APPBP2: variants seen among roughly 807,000 people sequenced by gnomAD.
The protein encoded by APPBP2 is amyloid beta precursor protein binding protein 2.
Under a neutral mutation model 76.0 loss-of-function variants are expected in APPBP2, and 15 were observed. The observed-to-expected ratio is 0.20, with a 90% CI of 0.13 to 0.30. APPBP2 has a LOEUF of 0.30. Ranked by LOEUF, APPBP2 falls within the 10% of genes least tolerant of loss-of-function variation. The pLI is 1.00. For synonymous variants in APPBP2, 222 were observed against 242.2 expected, an observed-to-expected ratio of 0.92 and a Z score of 0.77; for missense variants, 401 against 687.2, an observed-to-expected ratio of 0.58 and a Z score of 4.66.
Position 60,444,708 on chromosome 17 carries a change from T to C in APPBP2, c.*2873A>G, listed in dbSNP as rs1047518196. 6 of 152,410 alleles carry C rather than the reference T, an allele frequency of 3.9e-5. No homozygotes were observed. The highest frequency in any genetic ancestry group is 8.8e-5 in the Non-Finnish European group (6 of 68,014). 9.4% of individuals were successfully genotyped at this position (152,410 alleles called of 1,614,324 possible). On this transcript the variant is annotated 3_prime_UTR_variant, in exon 13 of 13. Transcript: ENST00000083182. ...AAAGATTATGCTCTAAAAATTCCAA[T>C]TGACTCTATTAAATGGAATGCAGGC...
At chr17:60,461,750 CA>C in intron 8 of APPBP2, 59 bp downstream of exon 8, 1 of 1,297,006 alleles carries the variant, frequency 7.7e-7, no homozygotes, top group East Asian at 2.3e-5. Context: ...ACACCACAAA[CA>C]AATACAGGTC....
intron 6 of APPBP2, among the ~76,000 whole-genome samples, chr17:60,463,420 C>G (rs972511965): frequency 6.6e-6 from 1 of 152,100 alleles, no homozygotes; most frequent in Non-Finnish European, 1.5e-5. Context: ...GTGGGAGGAT[C>G]GCTTGAGTCC....
chr17:60,492,326 A>G (rs1290157344), intron 3 of APPBP2, among the ~76,000 whole-genome samples: 2 of 152,230 alleles, frequency 1.3e-5, no homozygotes, highest in African/African-American at 2.4e-5. Context: ...GCCCTTACAC[A>G]GAGTCCCCAC....
chr17:60,512,725 C>T (rs1041326052), intron 1 of APPBP2, among the ~76,000 whole-genome samples: 4 of 148,672 alleles, frequency 2.7e-5, no homozygotes, highest in African/African-American at 9.9e-5. Context: ...GTCCCAGCTA[C>T]TCAGGAGGCT....
intron 2 of APPBP2, among the ~76,000 whole-genome samples, chr17:60,496,737 T>C (rs1598366007): frequency 1.3e-5 from 2 of 152,286 alleles, no homozygotes; most frequent in Non-Finnish European, 2.9e-5. Context: ...TTTATTTTTT[T>C]TGAGACAGAG....
chr17:60,513,999 A>T (rs923197060), intron 1 of APPBP2, among the ~76,000 whole-genome samples: 2 of 80,914 alleles, frequency 2.5e-5, no homozygotes, highest in African/African-American at 2.7e-4. Flanking sequence ...CCCCACATTA[A>T]AAAAAAAAAA....
intron 1 of APPBP2, among the ~76,000 whole-genome samples, chr17:60,510,986 T>C (rs1035680943): frequency 3.3e-5 from 5 of 152,152 alleles, no homozygotes; most frequent in Non-Finnish European, 7.4e-5. Context: ...AATGAACTTA[T>C]GTGTATTTAC....
chr17:60,458,782 GT>G (rs1555631064), intron 9 of APPBP2, among the ~76,000 whole-genome samples: 2,206 of 120,692 alleles, frequency 0.018, 42 homozygotes, highest in African/African-American at 0.093. Flanking sequence ...TTTTTTTTTT[GT>G]TTTTTTTTTT....
chr17:60,512,099 A>G (rs1598374469), intron 1 of APPBP2, among the ~76,000 whole-genome samples: 1 of 144,672 alleles, frequency 6.9e-6, no homozygotes, highest in East Asian at 1.9e-4. Context: ...TTTTTTTATT[A>G]TTATTATTAT....
At chr17:60,448,562 C>G (rs969857391) in intron 12 of APPBP2, among the ~76,000 whole-genome samples, 3 of 152,180 alleles carry the variant, frequency 2.0e-5, no homozygotes, top group Non-Finnish European at 2.9e-5. Flanking sequence ...AACAAAAACA[C>G]GTAGAATAGT....
At chr17:60,488,157 T>C (rs1450191924) in intron 3 of APPBP2, among the ~76,000 whole-genome samples, 1 of 152,182 alleles carries the variant, frequency 6.6e-6, no homozygotes, top group Non-Finnish European at 1.5e-5. Context: ...GTCTCACAGT[T>C]AGGCTACACG....
intron 3 of APPBP2, among the ~76,000 whole-genome samples, chr17:60,484,290 T>C (rs1045434303): frequency 3.3e-5 from 5 of 152,228 alleles, no homozygotes; most frequent in African/African-American, 1.2e-4. Flanking sequence ...TTGATGGAGA[T>C]GGCATTGAAT....
intron 3 of APPBP2, among the ~76,000 whole-genome samples, chr17:60,482,376 T>C (rs1263623272): frequency 6.6e-6 from 1 of 152,222 alleles, no homozygotes; most frequent in African/African-American, 2.4e-5. Context: ...AGGGCTTGAA[T>C]GTCCAGGGTG....
intron 3 of APPBP2, among the ~76,000 whole-genome samples, chr17:60,493,086 C>G (rs2090743401): frequency 6.6e-6 from 1 of 152,144 alleles, no homozygotes. Flanking sequence ...AGGGGTTTCC[C>G]CTATCTCTTG....
intron 9 of APPBP2, among the ~76,000 whole-genome samples, chr17:60,457,755 A>C (rs886402874): frequency 6.6e-6 from 1 of 152,140 alleles, no homozygotes; most frequent in African/African-American, 2.4e-5. Context: ...AATGTCAATG[A>C]CTATTTCCAT....
At position 60,526,220 on chromosome 17, in the gene APPBP2, T is replaced by C. The variant is rs999162064; in HGVS notation, c.-289A>G. On this transcript the variant is annotated 5_prime_UTR_variant, in exon 1 of 13. Coordinates refer to ENST00000083182, the MANE Select transcript of APPBP2 (RefSeq NM_006380.5). ...CGGGTTCCGTCCCAGCGCTGATCTC[T>C]GCAGGGGCGGGGCTGCGTGTGCGGC... The C allele has an allele frequency of 9.0e-6, 3 of 334,348 alleles. No individual in the cohort carries two copies. Among genetic ancestry groups the C allele is most frequent in the African/African-American group, 2.1e-5 (1 of 46,918 alleles). The allele number at this position is 334,348 out of a possible 1,614,324, so 20.7% of individuals were successfully genotyped here.
At chr17:60,449,985 C>T (rs975199722) in intron 12 of APPBP2, among the ~76,000 whole-genome samples, 28 of 151,786 alleles carry the variant, frequency 1.8e-4, no homozygotes, top group African/African-American at 5.3e-4. Flanking sequence ...TTAGTTGAGA[C>T]GGGGTTTCAG....
chr17:60,510,853 T>G lies in APPBP2; in HGVS notation c.139-10366A>C, dbSNP rs2090906332. Reference sequence around the variant, plus strand: ...CATTAAAGTGTCATTTCAGATAATATTCAAATAAAAGGGCAACCCTTTACT... The same window carrying G: ...CATTAAAGTGTCATTTCAGATAATAGTCAAATAAAAGGGCAACCCTTTACT... On this transcript the variant is annotated intron_variant, in intron 1 of 12. Transcript: ENST00000083182. 2.6e-5 allele frequency among the ~76,000 whole-genome samples: 4 copies of G among 152,214 alleles called. No individual in the cohort carries two copies. The South Asian group carries it at 8.3e-4, about 32-fold the overall frequency.
chr17:60,495,439 ATTATTTATTTATTTAT>A lies in APPBP2; in HGVS notation c.228-838_228-823del, dbSNP rs57497934. ...ATTTTTAAAAATATTTTATTTATTT[ATTATTTATTTATTTAT>A]TTATTTATTTATTTATTTATTTATT... is the stretch of plus-strand genomic sequence containing the variant. On this transcript the variant is annotated intron_variant, in intron 2 of 12. Transcript: ENST00000083182. Among the ~76,000 whole-genome samples the A allele has an allele frequency of 4.8e-3, 653 of 136,606 alleles. 5 individuals are homozygous for A. Among genetic ancestry groups the A allele is most frequent in the African/African-American group, 0.015 (516 of 33,840 alleles). The allele number at this position is 136,606 out of a possible 152,430, so 89.6% of individuals were successfully genotyped here.
Sources: gnomAD v4.1 joint callset for allele counts (sites outside exome capture counted in the v4.1 genomes callset) on GRCh38, gnomAD v4.1.1 for gene constraint, MANE v1.5 for transcripts, NCBI Gene and HGNC (gene_info 2026-07-23, HGNC 2026-07-21) for gene names.